Variants in ARHGAP15 observed in about 807,000 individuals in gnomAD.
ARHGAP15 encodes the protein rho GTPase-activating protein 15.
A neutral mutation model predicts 63.7 loss-of-function variants in ARHGAP15; 51 were observed. The ratio of observed to expected loss-of-function variants is 0.80; its 90% confidence interval spans 0.64 to 1.01. The LOEUF (loss-of-function observed/expected upper bound fraction) is 1.01. Ranked by LOEUF, ARHGAP15 falls within the 50% of genes least tolerant of loss-of-function variation. The probability of loss-of-function intolerance (pLI) is 0.00; values close to 1 mark genes in which losing one functional copy is unlikely to be tolerated. For missense variants in ARHGAP15, 560 were observed against 564.6 expected, an observed-to-expected ratio of 0.99 and a Z score of 0.08; for synonymous variants, 191 against 193.8, an observed-to-expected ratio of 0.99 and a Z score of 0.12.
At chr2:143,324,882 G>A (rs1684183096) in intron 6 of ARHGAP15, among the ~76,000 whole-genome samples, 1 of 152,064 alleles carries the variant, frequency 6.6e-6, no homozygotes, top group Admixed American at 6.5e-5. Flanking sequence ...CTAGGCTGTG[G>A]CCCGTGAACA....
At chr2:143,468,586 A>G (rs995215043) in intron 8 of ARHGAP15, among the ~76,000 whole-genome samples, 1 of 151,944 alleles carries the variant, frequency 6.6e-6, no homozygotes, top group East Asian at 1.9e-4. Flanking sequence ...TAGAGATTAT[A>G]GCACAATATA....
At chr2:143,411,907 A>G (rs1688463216) in intron 6 of ARHGAP15, among the ~76,000 whole-genome samples, 1 of 152,184 alleles carries the variant, frequency 6.6e-6, no homozygotes, top group Non-Finnish European at 1.5e-5. Flanking sequence ...GAGAGGGAAT[A>G]ATTTGAGTCA....
Position 143,487,356 on chromosome 2 carries a change from T to TA in ARHGAP15, c.704-17_704-16insA. 5.7e-6 allele frequency: 9 copies of TA among 1,588,166 alleles called. No individual in the cohort carries two copies. The highest frequency in any genetic ancestry group is 7.7e-6 in the Non-Finnish European group (9 of 1,172,450). On this transcript the variant is annotated splice_polypyrimidine_tract_variant and intron_variant, in intron 8 of 13. Coordinates refer to ENST00000295095, the MANE Select transcript of ARHGAP15 (RefSeq NM_018460.4). ...GGAGAAATTTACCAAAAGCCTCTGA[T>TA]TTTTTTAAATCTTCAGTGTTCAGAC...
At chr2:143,157,962 A>G (rs141406987) in intron 2 of ARHGAP15, among the ~76,000 whole-genome samples, 4 of 151,982 alleles carry the variant, frequency 2.6e-5, no homozygotes, top group African/African-American at 7.2e-5. Context: ...AGAGGCACAT[A>G]CATGTAGTCT....
intron 12 of ARHGAP15, among the ~76,000 whole-genome samples, chr2:143,628,566 CCTT>C (rs1457356038): frequency 6.6e-6 from 1 of 152,172 alleles, no homozygotes; most frequent in East Asian, 1.9e-4. Flanking sequence ...GCCTGAGGCT[CCTT>C]CTCCTCTACA....
intron 12 of ARHGAP15, among the ~76,000 whole-genome samples, chr2:143,632,424 G>A (rs1262890585): frequency 6.6e-6 from 1 of 152,036 alleles, no homozygotes; most frequent in Non-Finnish European, 1.5e-5. Flanking sequence ...AGATAGTAAT[G>A]ATGTTACATA....
At chr2:143,656,896 T>A (rs1681463532) in intron 12 of ARHGAP15, among the ~76,000 whole-genome samples, 1 of 149,194 alleles carries the variant, frequency 6.7e-6, no homozygotes, top group Non-Finnish European at 1.5e-5. Flanking sequence ...ACTTCTATTT[T>A]GGACAGACAT....
chr2:143,495,142 C>CCTTT (rs1243651534), intron 9 of ARHGAP15, among the ~76,000 whole-genome samples: 3 of 152,062 alleles, frequency 2.0e-5, no homozygotes, highest in African/African-American at 7.2e-5. Flanking sequence ...CTGTTTTCTC[C>CCTTT]CTTTCTTTTT....
chr2:143,686,805 AGTG>A (rs1254457475), intron 12 of ARHGAP15, among the ~76,000 whole-genome samples: 1 of 152,202 alleles, frequency 6.6e-6, no homozygotes, highest in Non-Finnish European at 1.5e-5. Context: ...GTTTCAAATT[AGTG>A]GTCCATACAA....
rs138974198 is a variant in ARHGAP15 at position 143,383,314 on chromosome 2, C to G, written c.475-52287C>G. Among the ~76,000 whole-genome samples the G allele has an allele frequency of 3.0e-3, 463 of 152,196 alleles. 5 individuals carry two copies. Among genetic ancestry groups the G allele is most frequent in the African/African-American group, 0.011 (446 of 41,532 alleles). ...AAATGGAGGAAAATAGAACACTTTT[C>G]TCAAGCAGATTTCTTGGCTCACTTA... is the stretch of plus-strand genomic sequence containing the variant. On this transcript the variant is annotated intron_variant, in intron 6 of 13. Coordinates refer to ENST00000295095, the MANE Select transcript of ARHGAP15 (RefSeq NM_018460.4).
intron 12 of ARHGAP15, among the ~76,000 whole-genome samples, chr2:143,662,088 T>A (rs1189788953): frequency 6.6e-6 from 1 of 152,258 alleles, no homozygotes; most frequent in Non-Finnish European, 1.5e-5. Context: ...AAGGCCTGCC[T>A]GCCTCTGTAG....
chr2:143,650,281 A>G lies in ARHGAP15; in HGVS notation c.1138+26014A>G, dbSNP rs985379703. Among the ~76,000 whole-genome samples the G allele has an allele frequency of 2.6e-5, 4 of 152,016 alleles. No individual in the cohort carries two copies. In the East Asian group the frequency reaches 7.7e-4, roughly 29 times the overall value. On this transcript the variant is annotated intron_variant, in intron 12 of 13. Coordinates refer to ENST00000295095, the MANE Select transcript of ARHGAP15 (RefSeq NM_018460.4). ...GTGGCACTATCATTATTCAAACAGC[A>G]AGAATGGTTTACCAAGAAAAGAGTG... is the stretch of plus-strand genomic sequence containing the variant.
intron 2 of ARHGAP15, among the ~76,000 whole-genome samples, chr2:143,164,963 G>A (rs1466224980): frequency 6.6e-6 from 1 of 151,958 alleles, no homozygotes; most frequent in African/African-American, 2.4e-5. Context: ...AAGTATAAAT[G>A]TGTAAGTATC....
intron 9 of ARHGAP15, among the ~76,000 whole-genome samples, chr2:143,517,163 G>A (rs1693860839): frequency 6.6e-6 from 1 of 152,084 alleles, no homozygotes; most frequent in Non-Finnish European, 1.5e-5. Context: ...TGGCCAAGAT[G>A]GTCTAAATCT....
intron 2 of ARHGAP15, among the ~76,000 whole-genome samples, chr2:143,180,297 A>C (rs545715386): frequency 6.6e-6 from 1 of 152,238 alleles, no homozygotes; most frequent in Admixed American, 6.5e-5. Flanking sequence ...ACTGGGGTAC[A>C]TTCCATCTCA....
intron 9 of ARHGAP15, among the ~76,000 whole-genome samples, chr2:143,494,336 G>T: frequency 6.6e-6 from 1 of 151,944 alleles, no homozygotes; most frequent in Admixed American, 6.6e-5. Flanking sequence ...CAATTTTCTA[G>T]ATTTGTTTCC....
At chr2:143,452,832 A>T (rs1471151740) in intron 8 of ARHGAP15, among the ~76,000 whole-genome samples, 1 of 151,986 alleles carries the variant, frequency 6.6e-6, no homozygotes, top group African/African-American at 2.4e-5. Flanking sequence ...ATAAATAGTG[A>T]TTATTACTAG....
chr2:143,418,068 C>T (rs1434119726), intron 6 of ARHGAP15, among the ~76,000 whole-genome samples: 1 of 152,084 alleles, frequency 6.6e-6, no homozygotes, highest in African/African-American at 2.4e-5. Flanking sequence ...TTTTTATTGT[C>T]AGAAAATTTG....
chr2:143,484,365 C>CAA (rs377516856), intron 8 of ARHGAP15, among the ~76,000 whole-genome samples: 14,141 of 125,272 alleles, frequency 0.11, 960 homozygotes, highest in South Asian at 0.16. Flanking sequence ...GACTCCATCT[C>CAA]AAAAAAAAAA....
Sources: allele counts gnomAD v4.1 joint callset (sites outside exome capture counted in the v4.1 genomes callset), GRCh38; gene constraint gnomAD v4.1.1; transcripts MANE v1.5; gene names NCBI Gene and HGNC (gene_info 2026-07-23, HGNC 2026-07-21).